GPR143: variants seen among roughly 807,000 people sequenced by gnomAD.
The protein encoded by GPR143 is G-protein coupled receptor 143.
A neutral mutation model predicts 27.6 loss-of-function variants in GPR143; 8 were observed. The observed-to-expected ratio is 0.29, with a 90% CI of 0.17 to 0.52. The LOEUF (loss-of-function observed/expected upper bound fraction) is 0.52, where lower values mean the gene tolerates loss of function less well. GPR143 is among the 20% of genes least tolerant of loss of function. The pLI is 0.96. For synonymous variants in GPR143, 156 were observed against 153.2 expected (o/e 1.02, Z -0.13); for missense variants, 303 against 343.1 (o/e 0.88, Z 0.92).
chrX:9,740,890 T>C (rs2083400638), intron 7 of GPR143: 1 of 296,733 alleles, frequency 3.4e-6, no homozygotes, highest in Non-Finnish European at 5.9e-6. Flanking sequence ...TGCTCTGATA[T>C]TGTGAGACTG....
intron 1 of GPR143, among the ~76,000 whole-genome samples, chrX:9,764,929 C>T (rs2083521781): frequency 9.4e-6 from 1 of 106,395 alleles, no homozygotes; most frequent in African/African-American, 3.4e-5. Context: ...GAGGCTGAGG[C>T]AAGAGAATCC....
At chrX:9,725,979 GCAAA>G in intron 8 of GPR143, 139 bp from the exon 9 acceptor site, 6 of 280,436 alleles carry the variant, frequency 2.1e-5, no homozygotes, top group Non-Finnish European at 2.0e-5. Context: ...CATCTCATCT[GCAAA>G]AAAAAAAAAA....
chrX:9,745,264 C>T (rs1264500900), intron 5 of GPR143, among the ~76,000 whole-genome samples: 6 of 112,905 alleles, frequency 5.3e-5, no homozygotes, highest in Non-Finnish European at 1.1e-4. Context: ...TCAATGAAAA[C>T]AAAAAGTGTA....
chrX:9,736,259 T>C (rs963856597), intron 8 of GPR143, among the ~76,000 whole-genome samples: 1 of 111,827 alleles, frequency 8.9e-6, no homozygotes, highest in African/African-American at 3.2e-5. Flanking sequence ...TATTAAAAAA[T>C]GTGAGGTGTC....
chrX:9,770,359 A>AGAGAGAGAGAGAGAG (rs2083550703), upstream of GPR143, among the ~76,000 whole-genome samples: 1 of 83,054 alleles, frequency 1.2e-5, no homozygotes, highest in African/African-American at 5.6e-5. Context: ...GAGAGAGAGG[A>AGAGAGAGAGAGAGAG]AGACCAGCCA....
chrX:9,762,656 G>A (rs969982998), intron 1 of GPR143, among the ~76,000 whole-genome samples: 3 of 111,664 alleles, frequency 2.7e-5, no homozygotes, highest in South Asian at 3.7e-4. Flanking sequence ...AACGACAACT[G>A]TGAACACTAA....
At chrX:9,757,657 T>C (rs1381346231) in intron 3 of GPR143, among the ~76,000 whole-genome samples, 2 of 111,485 alleles carry the variant, frequency 1.8e-5, no homozygotes, top group African/African-American at 6.5e-5. Context: ...TAAAATGGTG[T>C]AACATCGATA....
chrX:9,751,886 A>G (rs760856506), intron 3 of GPR143, among the ~76,000 whole-genome samples: 9 of 112,848 alleles, frequency 8.0e-5, no homozygotes, highest in Non-Finnish European at 1.5e-4. Context: ...CTAGGCACAA[A>G]AAACAGAATC....
intron 8 of GPR143, among the ~76,000 whole-genome samples, chrX:9,729,947 T>C (rs908701134): frequency 8.9e-6 from 1 of 112,572 alleles, no homozygotes; most frequent in African/African-American, 3.2e-5. Flanking sequence ...AAGATTATAA[T>C]ACTGCATTTT....
chrX:9,768,449 G>C (rs928078710), upstream of GPR143, among the ~76,000 whole-genome samples: 1 of 111,738 alleles, frequency 8.9e-6, no homozygotes, highest in African/African-American at 3.2e-5. Flanking sequence ...CTGTCTGGCA[G>C]TGGAGCCTCC....
chrX:9,728,544 C>T (rs748756314), intron 8 of GPR143, among the ~76,000 whole-genome samples: 8 of 100,762 alleles, frequency 7.9e-5, no homozygotes, highest in African/African-American at 1.1e-4. Flanking sequence ...GGGCTGGGCA[C>T]GATGGCTCCA....
intron 1 of GPR143, among the ~76,000 whole-genome samples, chrX:9,773,563 T>C (rs1186899146): frequency 9.0e-6 from 1 of 111,016 alleles, no homozygotes; most frequent in Non-Finnish European, 1.9e-5. Context: ...CAAACAAAAT[T>C]GACTCTTCAT....
At chrX:9,764,423 A>C (rs1001022644) in intron 1 of GPR143, among the ~76,000 whole-genome samples, 1 of 110,753 alleles carries the variant, frequency 9.0e-6, no homozygotes, top group Non-Finnish European at 1.9e-5. Context: ...ATACCCAAAA[A>C]GCCTGGATAG....
chrX:9,771,607 G>A (rs1262075080), intron 1 of GPR143, among the ~76,000 whole-genome samples: 2 of 109,753 alleles, frequency 1.8e-5, no homozygotes, highest in Non-Finnish European at 3.8e-5. Flanking sequence ...ATCCTGAAAA[G>A]CAAAGAAAAC....
rs760747167 is a variant in GPR143 at position 9,733,495 on chromosome X, C to G, written c.1120+5990G>C. On this transcript the variant is annotated intron_variant, in intron 8 of 8. Transcript: ENST00000467482. ...AATTGTGGGAAAGACAAGGCTTGTGCGAGATTCCAGGTATTATGGAAGATT... is the reference window on the plus strand; with the variant it reads ...AATTGTGGGAAAGACAAGGCTTGTGGGAGATTCCAGGTATTATGGAAGATT... Among the ~76,000 whole-genome samples, 6 of 108,774 alleles carry G rather than the reference C, an allele frequency of 5.5e-5. No individual in the cohort carries two copies. In the South Asian group the frequency reaches 2.3e-3, roughly 41 times the overall value. The allele number at this position is 108,774 out of a possible 115,157, so 94.5% of individuals were successfully genotyped here. A position where few individuals can be genotyped will look rare whatever the true frequency, so the allele number is the denominator to read the frequency against.
intron 5 of GPR143, among the ~76,000 whole-genome samples, chrX:9,744,316 A>C (rs958207496): frequency 7.1e-5 from 8 of 112,299 alleles, no homozygotes; most frequent in African/African-American, 2.6e-4. Context: ...TGGGTGACAG[A>C]GCAAGACTCC....
intron 1 of GPR143, among the ~76,000 whole-genome samples, chrX:9,777,818 C>T (rs1165051853): frequency 9.6e-6 from 1 of 104,575 alleles, no homozygotes; most frequent in Non-Finnish European, 1.9e-5. Flanking sequence ...GGGCCAGGTG[C>T]GGTGACTCAC....
At chrX:9,750,998 G>T (rs1260009542) in intron 3 of GPR143, among the ~76,000 whole-genome samples, 6 of 112,856 alleles carry the variant, frequency 5.3e-5, no homozygotes, top group African/African-American at 1.9e-4. Flanking sequence ...TCCTCTTACA[G>T]CCTCATCCCA....
chrX:9,732,464 A>G (rs60854963), intron 8 of GPR143, among the ~76,000 whole-genome samples: 4,446 of 111,593 alleles, frequency 0.04, 210 homozygotes, highest in African/African-American at 0.14. Flanking sequence ...TTGGGAGAAA[A>G]GGAATTATGG....
Sources: gnomAD v4.1 joint callset for allele counts (sites outside exome capture counted in the v4.1 genomes callset) on GRCh38, gnomAD v4.1.1 for gene constraint, MANE v1.5 for transcripts, NCBI Gene and HGNC (gene_info 2026-07-23, HGNC 2026-07-21) for gene names.